The following THSD7A variants were observed in gnomAD, a reference collection of about 807,000 sequenced individuals.
THSD7A encodes the protein thrombospondin type-1 domain-containing protein 7A.
THSD7A carries 96 observed loss-of-function variants against 231.3 expected under a neutral mutation model. The observed-to-expected ratio is 0.41, with a 90% CI of 0.35 to 0.49. THSD7A has a LOEUF of 0.49. THSD7A is among the 20% of genes least tolerant of loss of function. THSD7A has a pLI of 0.05. For missense variants in THSD7A, 2,290 were observed against 2,070.2 expected, an observed-to-expected ratio of 1.11 and a Z score of -2.06; for synonymous variants, 940 against 743.3, an observed-to-expected ratio of 1.26 and a Z score of -4.30.
chr7:11,772,038 G>A (rs1049926450), intron 1 of THSD7A, among the ~76,000 whole-genome samples: 19 of 152,262 alleles, frequency 1.2e-4, no homozygotes, highest in African/African-American at 4.6e-4. Flanking sequence ...ACAGCCTGCA[G>A]AACTGTGAGC....
chr7:11,593,556 T>A, intron 2 of THSD7A, 54 bp from the exon 3 acceptor site: 1 of 1,585,412 alleles, frequency 6.3e-7, no homozygotes, highest in Non-Finnish European at 8.6e-7. Context: ...TTATGAACTT[T>A]GTCTTCTACG....
At chr7:11,827,605 G>A (rs1785069569) in intron 1 of THSD7A, among the ~76,000 whole-genome samples, 1 of 151,914 alleles carries the variant, frequency 6.6e-6, no homozygotes, top group Non-Finnish European at 1.5e-5. Context: ...AATATTCTCT[G>A]TGAAATATCC....
At chr7:11,452,108 T>G (rs1404037032) in intron 11 of THSD7A, among the ~76,000 whole-genome samples, 1 of 151,974 alleles carries the variant, frequency 6.6e-6, no homozygotes, top group Non-Finnish European at 1.5e-5. Flanking sequence ...TAACATGGTT[T>G]ATACCACTAC....
intron 23 of THSD7A, among the ~76,000 whole-genome samples, chr7:11,389,270 G>A (rs998160029): frequency 5.9e-5 from 9 of 151,950 alleles, no homozygotes; most frequent in South Asian, 4.2e-4. Context: ...TTATGAATCC[G>A]GGCGCTCCTG....
At chr7:11,702,046 G>A (rs976617307) in intron 1 of THSD7A, among the ~76,000 whole-genome samples, 1 of 151,208 alleles carries the variant, frequency 6.6e-6, no homozygotes, top group Non-Finnish European at 1.5e-5. Context: ...TCTGTTTCCG[G>A]TGTCTTAGTC....
At chr7:11,494,217 A>G (rs1402458306) in intron 6 of THSD7A, among the ~76,000 whole-genome samples, 1 of 152,020 alleles carries the variant, frequency 6.6e-6, no homozygotes, top group African/African-American at 2.4e-5. Context: ...AACAAAACCA[A>G]CTGGTCATGG....
In THSD7A at chr7:11,584,390, C is replaced by A. The variant is rs147435554; in HGVS notation, c.1453+6070G>T. On this transcript the variant is annotated intron_variant, in intron 4 of 27. Transcript: ENST00000423059. ...TTCATAATTACTCTTAAATTTTTAA[C>A]ATGCATAATGAGTTAATAAAATATA... 2.9e-3 allele frequency among the ~76,000 whole-genome samples: 434 copies of A among 152,084 alleles called. 2 individuals carry two copies. The highest frequency in any genetic ancestry group is 0.01 in the African/African-American group (420 of 41,510).
At chr7:11,459,503 G>A (rs1437625680) in intron 11 of THSD7A, among the ~76,000 whole-genome samples, 2 of 151,906 alleles carry the variant, frequency 1.3e-5, no homozygotes, top group African/African-American at 4.8e-5. Context: ...GGGAGTCACA[G>A]TTATGTTTTA....
chr7:11,678,858 A>G (rs1353424092), intron 1 of THSD7A, among the ~76,000 whole-genome samples: 3 of 152,220 alleles, frequency 2.0e-5, no homozygotes, highest in African/African-American at 7.2e-5. Context: ...TGAGGCCAGC[A>G]TCATCCTGAT....
At chr7:11,801,578 A>C (rs1784279626) in intron 1 of THSD7A, among the ~76,000 whole-genome samples, 1 of 152,204 alleles carries the variant, frequency 6.6e-6, no homozygotes, top group Non-Finnish European at 1.5e-5. Flanking sequence ...GCTGTAGTCT[A>C]TATTATTAAG....
At chr7:11,576,162 A>T (rs1189348908) in intron 4 of THSD7A, among the ~76,000 whole-genome samples, 2 of 152,100 alleles carry the variant, frequency 1.3e-5, no homozygotes, top group Admixed American at 1.3e-4. Flanking sequence ...TATTGGTTTG[A>T]TATCCTCTTT....
chr7:11,469,926 A>G lies in THSD7A; in HGVS notation c.2321T>C (p.Val774Ala). 6.2e-7 allele frequency: 1 copy of G among 1,603,628 alleles called. No homozygotes were observed. The highest frequency in any genetic ancestry group is 1.1e-5 in the South Asian group (1 of 88,670). Reference sequence around the variant, plus strand: ...TGATGTCCAGTCACTATATGGGGTCACAATACAGTCCTTCTTACAAGGAAG... The same window carrying G: ...TGATGTCCAGTCACTATATGGGGTCGCAATACAGTCCTTCTTACAAGGAAG... The part of the protein sequence containing the change: ...CLLPCKKDCI[V>A]TPYSDWTSCP... Residue 774 changes from valine (V) to alanine (A), a missense_variant, in exon 9 of 28, where the codon GTG becomes GCG. Physicochemically the swap from Val to Ala is moderately conservative, Grantham distance 64. Coordinates refer to ENST00000423059, the MANE Select transcript of THSD7A (RefSeq NM_015204.3).
chr7:11,590,722 C>T lies in THSD7A; in HGVS notation c.1272-81G>A, dbSNP rs745808196. 30 of 1,431,670 alleles carry T rather than the reference C, an allele frequency of 2.1e-5. No individual in the cohort carries two copies. The highest frequency in any genetic ancestry group is 1.3e-4 in the African/African-American group (9 of 69,604). The allele number at this position is 1,431,670 out of a possible 1,614,324, so 88.7% of individuals were successfully genotyped here. A position where few individuals can be genotyped will look rare whatever the true frequency, so the allele number is the denominator to read the frequency against. Reference sequence around the variant, plus strand: ...CTACTCCTGTCATACTTTGTTTTAACGAAAATTAGTCTCAAAATCATTTTC... The same window carrying T: ...CTACTCCTGTCATACTTTGTTTTAATGAAAATTAGTCTCAAAATCATTTTC... On this transcript the variant is annotated intron_variant, in intron 3 of 27. Coordinates refer to ENST00000423059, the MANE Select transcript of THSD7A (RefSeq NM_015204.3). This position sits in a 1 kb window ranked among gnomAD's most constrained non-coding sequence, Gnocchi z 4.4.
intron 1 of THSD7A, among the ~76,000 whole-genome samples, chr7:11,714,010 C>T (rs1333900744): frequency 6.6e-6 from 1 of 151,022 alleles, no homozygotes; most frequent in Non-Finnish European, 1.5e-5. Flanking sequence ...TACAATAATG[C>T]TTTTATTTGT....
chr7:11,641,796 G>T (rs982195330), intron 1 of THSD7A, among the ~76,000 whole-genome samples: 1 of 151,614 alleles, frequency 6.6e-6, no homozygotes, highest in Non-Finnish European at 1.5e-5. Context: ...TAAACCCATC[G>T]TCCACCTTGT....
In THSD7A at chr7:11,692,179, A is replaced by C. The variant is rs1305010022; in HGVS notation, c.191-55218T>G. On this transcript the variant is annotated intron_variant, in intron 1 of 27. Transcript: ENST00000423059. ...AGTAATACAGAAGGTGGGAGTAGAA[A>C]TATTGTCTACAAAATTTGCAGCCTG... is the stretch of plus-strand genomic sequence containing the variant. 4.6e-5 allele frequency among the ~76,000 whole-genome samples: 7 copies of C among 151,624 alleles called. No individual in the cohort carries two copies. In the East Asian group the frequency reaches 1.4e-3, roughly 30 times the overall value.
At chr7:11,427,105 G>T (rs1224972645) in intron 14 of THSD7A, among the ~76,000 whole-genome samples, 2 of 152,136 alleles carry the variant, frequency 1.3e-5, no homozygotes, top group African/African-American at 4.8e-5. Context: ...AGAAAATGAG[G>T]ATTTGAGTAC....
intron 11 of THSD7A, among the ~76,000 whole-genome samples, chr7:11,450,263 A>G (rs1275799805): frequency 1.3e-5 from 2 of 152,056 alleles, no homozygotes; most frequent in Non-Finnish European, 2.9e-5. Context: ...CATAAACTGG[A>G]ATCCCTTTTC....
At chr7:11,604,920 C>A (rs1209892812) in intron 2 of THSD7A, among the ~76,000 whole-genome samples, 1 of 151,974 alleles carries the variant, frequency 6.6e-6, no homozygotes, top group East Asian at 1.9e-4. Flanking sequence ...GAGTTCAAAG[C>A]CAAGGCCACA....
Sources: gnomAD v4.1 joint callset for allele counts (sites outside exome capture counted in the v4.1 genomes callset) on GRCh38, gnomAD v4.1.1 for gene constraint, Gnocchi (gnomAD v3.1) non-coding constraint, MANE v1.5 for transcripts, NCBI Gene and HGNC (gene_info 2026-07-23, HGNC 2026-07-21) for gene names.